The following C10orf90 variants were observed in gnomAD, a reference collection of about 807,000 sequenced individuals.
C10orf90 encodes (E2-independent) E3 ubiquitin-conjugating enzyme FATS.
In C10orf90, 56 loss-of-function variants were observed where a neutral mutation model predicts 62.5. The observed-to-expected ratio is 0.90, with a 90% CI of 0.72 to 1.12. The LOEUF is 1.12. Ranked by LOEUF, C10orf90 falls within the 50% of genes most tolerant of loss-of-function variation. The pLI is 0.00. For synonymous variants in C10orf90, 386 were observed against 340.4 expected (o/e 1.13, Z -1.47); for missense variants, 970 against 880.4 (o/e 1.10, Z -1.29).
At chr10:126,662,664 C>A (rs536852053) in intron 1 of C10orf90, among the ~76,000 whole-genome samples, 23 of 152,312 alleles carry the variant, frequency 1.5e-4, no homozygotes, top group Admixed American at 2.6e-4. Context: ...TCTGTCCCCC[C>A]ACGCCTGGAA....
chr10:126,521,138 CT>C (rs1863720825), intron 2 of C10orf90, among the ~76,000 whole-genome samples: 13 of 152,312 alleles, frequency 8.5e-5, no homozygotes, highest in Admixed American at 3.9e-4. Context: ...TCCTGAGTGT[CT>C]CCCCAAGTTG....
chr10:126,602,791 G>T lies in C10orf90; in HGVS notation c.313+43774C>A, dbSNP rs1187211276. 6.1e-5 allele frequency among the ~76,000 whole-genome samples: 9 copies of T among 147,312 alleles called. No individual in the cohort carries two copies. In the East Asian group the frequency reaches 1.4e-3, roughly 23 times the overall value. ...TTTTTTTTTGGTCTTTCTGAGCTCT[G>T]CATAAAATAATGGAGAATCTTACAA... is the stretch of plus-strand genomic sequence containing the variant. On this transcript the variant is annotated intron_variant, in intron 2 of 9. Coordinates refer to ENST00000488181, the MANE Select transcript of C10orf90 (RefSeq NM_001350921.2).
chr10:126,477,076 ATTTTTTTTTTTTTTTTTTTTTTTTTT>A (rs551973906), intron 4 of C10orf90, among the ~76,000 whole-genome samples: 11 of 56,434 alleles, frequency 1.9e-4, no homozygotes, highest in Admixed American at 1.2e-3. Context: ...CGCCTGGCTA[ATTTTTTTTTTTTTTTTTTTTTTTTTT>A]TTTTTTTTTT....
intron 2 of C10orf90, among the ~76,000 whole-genome samples, chr10:126,565,806 G>A (rs958070201): frequency 6.6e-6 from 1 of 152,110 alleles, no homozygotes; most frequent in Non-Finnish European, 1.5e-5. Flanking sequence ...GATGCTGGTC[G>A]CAGCATCCTC....
chr10:126,522,948 G>A (rs1863813522), intron 2 of C10orf90: 1 of 152,128 alleles, frequency 6.6e-6, no homozygotes, highest in African/African-American at 2.4e-5. Flanking sequence ...AGGCTTTGTT[G>A]GGCTGGGAAT....
chr10:126,623,257 C>A (rs1169926499), intron 2 of C10orf90, among the ~76,000 whole-genome samples: 1 of 152,150 alleles, frequency 6.6e-6, no homozygotes, highest in East Asian at 1.9e-4. Context: ...GAGGTCATCC[C>A]CACTACCCCT....
chr10:126,457,500 C>T (rs1203284933), intron 7 of C10orf90, among the ~76,000 whole-genome samples: 3 of 152,202 alleles, frequency 2.0e-5, no homozygotes, highest in East Asian at 1.9e-4. Context: ...CCTAAGGTCT[C>T]TGGGTCTCTG....
intron 7 of C10orf90, among the ~76,000 whole-genome samples, chr10:126,431,087 A>C (rs1857544959): frequency 6.6e-6 from 1 of 152,360 alleles, no homozygotes; most frequent in East Asian, 1.9e-4. Flanking sequence ...AAGGAGAAAC[A>C]AGAAAAAGAA....
At position 126,514,789 on chromosome 10, in the gene C10orf90, A is replaced by T. The variant is rs372980740; in HGVS notation, c.314-850T>A. Among the ~76,000 whole-genome samples the T allele has an allele frequency of 2.7e-5, 4 of 145,860 alleles. No homozygotes were observed. The South Asian group carries it at 9.0e-4, about 33-fold the overall frequency. ...AGCACCGCCCTGCGCCCCCCTCTCC[A>T]CCCCCCATCTCTAAAAGTGACCTTT... On this transcript the variant is annotated intron_variant, in intron 2 of 9. Coordinates refer to ENST00000488181, the MANE Select transcript of C10orf90 (RefSeq NM_001350921.2).
At chr10:126,486,079 C>T (rs1461444945) in intron 4 of C10orf90, among the ~76,000 whole-genome samples, 1 of 152,136 alleles carries the variant, frequency 6.6e-6, no homozygotes, top group African/African-American at 2.4e-5. Flanking sequence ...GCCTTGGGGG[C>T]CACTGCTGAT....
intron 2 of C10orf90, 48 bp from the exon 3 acceptor site, chr10:126,513,987 A>G (rs774699384): frequency 1.5e-6 from 2 of 1,298,380 alleles, no homozygotes; most frequent in Admixed American, 3.6e-5. Flanking sequence ...ATAAAAGGAT[A>G]AAATGGAATA....
intron 2 of C10orf90, among the ~76,000 whole-genome samples, chr10:126,566,244 C>T (rs1844386550): frequency 6.6e-6 from 1 of 152,162 alleles, no homozygotes; most frequent in African/African-American, 2.4e-5. Context: ...ATGGAGGTAG[C>T]TATGATTGAA....
In C10orf90 at chr10:126,504,668, G is replaced by A; in HGVS notation, c.823C>T (p.Pro275Ser). ...GGATGGGCGCCATTGGCCAGAGCCG[G>A]GGGCGCCTGGAACAGTGTGTCCTCA... is the stretch of plus-strand genomic sequence containing the variant. ...RAEDTLFQAP[P>S]ALANGAHPGR... Residue 275 changes from proline to serine, a missense_variant, in exon 4 of 10, where the codon CCG (proline) becomes TCG (serine). Pro to Ser is a moderately conservative substitution (Grantham distance 74). Transcript: ENST00000488181. This position sits in a 1 kb window ranked among gnomAD's most constrained non-coding sequence, Gnocchi z 4.1. The A allele has an allele frequency of 6.2e-7, 1 of 1,614,174 alleles. No individual in the cohort carries two copies. The highest frequency in any genetic ancestry group is 8.5e-7 in the Non-Finnish European group (1 of 1,180,018).
rs551973906 is a variant in C10orf90 at position 126,477,076 on chromosome 10, A to ATTTTT, written c.1535-12095_1535-12091dup. Among the ~76,000 whole-genome samples the ATTTTT allele has an allele frequency of 1.6e-3, 91 of 56,478 alleles. 17 individuals are homozygous for ATTTTT. Among genetic ancestry groups the ATTTTT allele is most frequent in the East Asian group, 2.5e-3 (4 of 1,612 alleles). The allele number at this position is 56,478 out of a possible 152,430, so 37.1% of individuals were successfully genotyped here. A position where few individuals can be genotyped will look rare whatever the true frequency, so the allele number is the denominator to read the frequency against. Reference sequence around the variant, plus strand: ...AGGTGCCCAACATCACGCCTGGCTAATTTTTTTTTTTTTTTTTTTTTTTTT... The same window carrying ATTTTT: ...AGGTGCCCAACATCACGCCTGGCTAATTTTTTTTTTTTTTTTTTTTTTTTTTTTTT... On this transcript the variant is annotated intron_variant, in intron 4 of 9. Coordinates refer to ENST00000488181, the MANE Select transcript of C10orf90 (RefSeq NM_001350921.2).
chr10:126,523,325 C>A (rs1382276311), intron 2 of C10orf90, among the ~76,000 whole-genome samples: 1 of 152,184 alleles, frequency 6.6e-6, no homozygotes, highest in East Asian at 1.9e-4. Context: ...CGTGAAAGCA[C>A]CCCGCTCATG....
intron 2 of C10orf90, among the ~76,000 whole-genome samples, chr10:126,609,863 T>C (rs1021033519): frequency 6.6e-6 from 1 of 152,168 alleles, no homozygotes. Context: ...AAGGGTGTGA[T>C]GTGATCTGAC....
intron 4 of C10orf90, among the ~76,000 whole-genome samples, chr10:126,497,918 G>T (rs1862159028): frequency 6.6e-6 from 1 of 152,226 alleles, no homozygotes; most frequent in Non-Finnish European, 1.5e-5. Flanking sequence ...CATACCAGGG[G>T]CTGAGTTCTT....
chr10:126,573,842 T>G (rs74941294), intron 2 of C10orf90, among the ~76,000 whole-genome samples: 1 of 152,084 alleles, frequency 6.6e-6, no homozygotes, highest in East Asian at 1.9e-4. Flanking sequence ...CTTTTTTTTT[T>G]AACCCTGCAT....
chr10:126,645,378 G>T (rs1391750235), intron 2 of C10orf90, among the ~76,000 whole-genome samples: 1 of 150,852 alleles, frequency 6.6e-6, no homozygotes, highest in Non-Finnish European at 1.5e-5. Context: ...GACCAGGCGA[G>T]GCAACATGGC....
Sources: gnomAD v4.1 joint callset for allele counts (sites outside exome capture counted in the v4.1 genomes callset) on GRCh38, gnomAD v4.1.1 for gene constraint, Gnocchi (gnomAD v3.1) non-coding constraint, MANE v1.5 for transcripts, NCBI Gene and HGNC (gene_info 2026-07-23, HGNC 2026-07-21) for gene names.